The following SRPK2 variants were observed in gnomAD, a reference collection of about 807,000 sequenced individuals.
The protein encoded by SRPK2 is SRSF protein kinase 2, also known as SFRS protein kinase 2.
A neutral mutation model predicts 90.8 loss-of-function variants in SRPK2; 21 were observed. That is an observed-to-expected ratio of 0.23 (90% CI 0.16 to 0.33). The LOEUF (loss-of-function observed/expected upper bound fraction) is 0.33, where lower values mean the gene tolerates loss of function less well. Among genes scored for constraint, SRPK2 ranks in the 10% least tolerant of loss-of-function variants. SRPK2 has a pLI of 1.00. For synonymous variants in SRPK2, 288 were observed against 311.1 expected, an observed-to-expected ratio of 0.93 and a Z score of 0.78; for missense variants, 620 against 869.0, an observed-to-expected ratio of 0.71 and a Z score of 3.60.
At chr7:105,159,706 T>G (rs1807274836) in intron 7 of SRPK2, among the ~76,000 whole-genome samples, 1 of 152,206 alleles carries the variant, frequency 6.6e-6, no homozygotes, top group African/African-American at 2.4e-5. Context: ...AGATGTTTAC[T>G]AGAGCATCAT....
At chr7:105,146,451 C>G in intron 8 of SRPK2, 42 bp downstream of exon 8, 1 of 1,598,510 alleles carries the variant, frequency 6.3e-7, no homozygotes, top group Non-Finnish European at 8.5e-7. Context: ...TGCAAGCTCC[C>G]AATGCCCCCA....
chr7:105,166,223 T>C (rs1790040580), intron 6 of SRPK2, among the ~76,000 whole-genome samples: 1 of 152,162 alleles, frequency 6.6e-6, no homozygotes, highest in South Asian at 2.1e-4. Context: ...ATTGAGCAAA[T>C]TAATCTGAAA....
rs11406138 is a variant in SRPK2 at position 105,174,082 on chromosome 7, T to TAA, written c.230-4819_230-4818dup. On this transcript the variant is annotated intron_variant, in intron 3 of 15. Coordinates refer to ENST00000393651, the MANE Select transcript of SRPK2 (RefSeq NM_182692.3). ...CAGTACAGTGAGACCCTGTCTCTAA[T>TAA]AAAAAAAAAAAAAAACTCTTATCGG... Among the ~76,000 whole-genome samples, 300 of 134,934 alleles carry TAA rather than the reference T, an allele frequency of 2.2e-3. 1 individual carries two copies. Among genetic ancestry groups the TAA allele is most frequent in the South Asian group, 1.0e-2 (43 of 4,310 alleles). 88.5% of individuals were successfully genotyped at this position (134,934 alleles called of 152,430 possible).
chr7:105,168,550 C>G (rs1430203906), intron 4 of SRPK2, among the ~76,000 whole-genome samples: 2 of 152,056 alleles, frequency 1.3e-5, no homozygotes. Context: ...TAGTACTTTT[C>G]AAATGGTGGG....
chr7:105,303,703 A>G (rs1432199791), intron 2 of SRPK2, among the ~76,000 whole-genome samples: 1 of 152,188 alleles, frequency 6.6e-6, no homozygotes, highest in African/African-American at 2.4e-5. Context: ...AGTATCTCTG[A>G]TCCCTTAAAT....
At chr7:105,395,291 A>G (rs1366561933) in intron 1 of SRPK2, among the ~76,000 whole-genome samples, 2 of 152,104 alleles carry the variant, frequency 1.3e-5, no homozygotes, top group African/African-American at 4.8e-5. Flanking sequence ...GGAGTTCAAG[A>G]CTAGCCTGGG....
intron 3 of SRPK2, among the ~76,000 whole-genome samples, chr7:105,183,893 C>T (rs1011540199): frequency 6.6e-6 from 1 of 151,966 alleles, no homozygotes; most frequent in African/African-American, 2.4e-5. Flanking sequence ...TGTTCAACTT[C>T]GCTGAATGTA....
At chr7:105,211,464 T>C (rs569551478) in intron 2 of SRPK2, among the ~76,000 whole-genome samples, 2 of 152,310 alleles carry the variant, frequency 1.3e-5, no homozygotes, top group Admixed American at 1.3e-4. Flanking sequence ...TGCTGGCATC[T>C]GCTAAGCTTC....
chr7:105,371,637 G>A (rs1358314113), intron 2 of SRPK2, among the ~76,000 whole-genome samples: 1 of 150,220 alleles, frequency 6.7e-6, no homozygotes, highest in Non-Finnish European at 1.5e-5. Context: ...GTGCATGCCT[G>A]TAGTCCCAGC....
At chr7:105,331,715 T>A (rs189311233) in intron 2 of SRPK2, among the ~76,000 whole-genome samples, 2 of 151,970 alleles carry the variant, frequency 1.3e-5, no homozygotes, top group Admixed American at 1.3e-4. Flanking sequence ...ACACAGTAAA[T>A]AGCACAAAAA....
chr7:105,129,996 T>C (rs1009760681), intron 13 of SRPK2, among the ~76,000 whole-genome samples: 4 of 152,138 alleles, frequency 2.6e-5, no homozygotes, highest in African/African-American at 9.7e-5. Context: ...AATACATAAA[T>C]GCAGAGAAAC....
intron 2 of SRPK2, among the ~76,000 whole-genome samples, chr7:105,204,413 T>C (rs1052801181): frequency 2.0e-5 from 3 of 152,180 alleles, no homozygotes; most frequent in Non-Finnish European, 2.9e-5. Context: ...GTGTGTTTGA[T>C]TGATTGAGAT....
chr7:105,166,721 A>C (rs1790115093), intron 6 of SRPK2, among the ~76,000 whole-genome samples: 1 of 152,232 alleles, frequency 6.6e-6, no homozygotes, highest in Admixed American at 6.5e-5. Context: ...GAGTATAGAA[A>C]ATGCATCATT....
chr7:105,394,898 C>T (rs984757421), intron 1 of SRPK2, among the ~76,000 whole-genome samples: 1 of 152,130 alleles, frequency 6.6e-6, no homozygotes, highest in African/African-American at 2.4e-5. Context: ...CAGCCGGGCG[C>T]GGTGGCTTAC....
chr7:105,175,149 AAAAG>A (rs1227470812), intron 3 of SRPK2, among the ~76,000 whole-genome samples: 31 of 152,040 alleles, frequency 2.0e-4, no homozygotes, highest in African/African-American at 4.3e-4. Context: ...CAAAAAAAAA[AAAAG>A]AAAGAAAGAA....
At chr7:105,260,976 T>G (rs181813362) in intron 2 of SRPK2, among the ~76,000 whole-genome samples, 2 of 141,590 alleles carry the variant, frequency 1.4e-5, no homozygotes, top group African/African-American at 5.3e-5. Context: ...GGCACATGTA[T>G]ACCTATGTAA....
chr7:105,388,869 G>C lies in SRPK2; in HGVS notation c.-63C>G, dbSNP rs1821989066. ...GGCGACGCGGGCGCCGAGACGAGCT[G>C]GGCTGCAGCCTCCACTCGCTCCGCC... On this transcript the variant is annotated 5_prime_UTR_variant, in exon 1 of 16. Transcript: ENST00000393651. The C allele has an allele frequency of 3.1e-6, 4 of 1,283,940 alleles. No homozygotes were observed. The highest frequency in any genetic ancestry group is 8.5e-5 in the Admixed American group (2 of 23,486). 79.5% of individuals were successfully genotyped at this position (1,283,940 alleles called of 1,614,324 possible).
chr7:105,144,298 T>G (rs1401642326), intron 9 of SRPK2, among the ~76,000 whole-genome samples: 1 of 148,850 alleles, frequency 6.7e-6, no homozygotes, highest in East Asian at 2.0e-4. Context: ...TGGAGTGCAG[T>G]GGCGTGATCT....
Position 105,153,890 on chromosome 7 carries a change from C to T in SRPK2, c.621+6617G>A, listed in dbSNP as rs183087478. ...GGACACCAGAGGGGTTCTCCGCAAGCCTAGAAGTTTCCTGCTGGAAACACT... is the reference window on the plus strand; with the variant it reads ...GGACACCAGAGGGGTTCTCCGCAAGTCTAGAAGTTTCCTGCTGGAAACACT... On this transcript the variant is annotated intron_variant, in intron 7 of 15. Coordinates refer to ENST00000393651, the MANE Select transcript of SRPK2 (RefSeq NM_182692.3). 3.1e-4 allele frequency among the ~76,000 whole-genome samples: 47 copies of T among 152,258 alleles called. No homozygotes were observed. The East Asian group carries it at 5.0e-3, about 16-fold the overall frequency.
Sources: gnomAD v4.1 joint callset for allele counts (sites outside exome capture counted in the v4.1 genomes callset) on GRCh38, gnomAD v4.1.1 for gene constraint, MANE v1.5 for transcripts, NCBI Gene and HGNC (gene_info 2026-07-23, HGNC 2026-07-21) for gene names.